MOB1B: variants seen among roughly 807,000 people sequenced by gnomAD.
MOB1B encodes MOB kinase activator 1B, also known as MOB1 Mps One Binder homolog B.
Under a neutral mutation model 24.4 loss-of-function variants are expected in MOB1B, and 19 were observed. That is an observed-to-expected ratio of 0.78 (90% CI 0.54 to 1.14). The LOEUF (loss-of-function observed/expected upper bound fraction) is 1.14. Ranked by LOEUF, MOB1B falls within the 50% of genes most tolerant of loss-of-function variation. The probability of loss-of-function intolerance (pLI) is 0.00; values close to 1 mark genes in which losing one functional copy is unlikely to be tolerated. For synonymous variants in MOB1B, 76 were observed against 82.1 expected, an observed-to-expected ratio of 0.93 and a Z score of 0.40; for missense variants, 243 against 259.6, an observed-to-expected ratio of 0.94 and a Z score of 0.44.
Position 70,950,675 on chromosome 4 carries a change from A to G in MOB1B, c.15-8199A>G, listed in dbSNP as rs970818099. 10 of 1,237,358 alleles carry G rather than the reference A, an allele frequency of 8.1e-6. No individual in the cohort carries two copies. In the East Asian group the frequency reaches 1.3e-4, roughly 16 times the overall value. The allele number at this position is 1,237,358 out of a possible 1,614,324, so 76.6% of individuals were successfully genotyped here. A position where few individuals can be genotyped will look rare whatever the true frequency, so the allele number is the denominator to read the frequency against. On this transcript the variant is annotated intron_variant, in intron 1 of 5. Transcript: ENST00000309395. ...CTTGCGGTAAATGTTAGTTAATATT[A>G]ATCATCATTATTATCCTGATGTAGG...
At chr4:70,909,433 A>G (rs991389881) in intron 1 of MOB1B, among the ~76,000 whole-genome samples, 2 of 152,088 alleles carry the variant, frequency 1.3e-5, no homozygotes, top group Admixed American at 6.6e-5. Context: ...GCTTGAGCCA[A>G]TTTGAGTTAT....
chr4:70,910,627 TATA>T (rs1477407226), intron 1 of MOB1B, among the ~76,000 whole-genome samples: 1 of 151,994 alleles, frequency 6.6e-6, no homozygotes, highest in Non-Finnish European at 1.5e-5. Flanking sequence ...TTTAAATTCA[TATA>T]ATATTTAAAT....
intron 1 of MOB1B, among the ~76,000 whole-genome samples, chr4:70,903,471 A>G (rs1415330047): frequency 6.6e-6 from 1 of 152,170 alleles, no homozygotes; most frequent in East Asian, 1.9e-4. Context: ...GTCCTCTGAA[A>G]ACAGGGGTTA....
At chr4:70,915,530 G>A (rs755004065) in intron 1 of MOB1B, among the ~76,000 whole-genome samples, 68 of 152,236 alleles carry the variant, frequency 4.5e-4, no homozygotes, top group Non-Finnish European at 8.7e-4. Context: ...GTTACTTCAG[G>A]TACGCCCTAT....
rs369108762 is a variant in MOB1B at position 70,970,071 on chromosome 4, G to A, written c.275+47G>A. 30 of 1,159,548 alleles carry A rather than the reference G, an allele frequency of 2.6e-5. No individual in the cohort carries two copies. The African/African-American group carries it at 3.7e-4, about 14-fold the overall frequency. 71.8% of individuals were successfully genotyped at this position (1,159,548 alleles called of 1,614,324 possible). On this transcript the variant is annotated intron_variant, in intron 3 of 5. Transcript: ENST00000309395. The stretch of plus-strand genomic sequence containing the variant: ...GTTTCTTATTTTTACATTATTTTAC[G>A]GTTCTTAAAGAAAAACGAAGTTTCT...
chr4:70,904,403 C>T (rs2148863560), intron 1 of MOB1B, among the ~76,000 whole-genome samples: 1 of 152,162 alleles, frequency 6.6e-6, no homozygotes, highest in African/African-American at 2.4e-5. Flanking sequence ...AAGCTGTATT[C>T]AAAATAGCAC....
At chr4:70,965,556 C>T (rs951913409) in intron 2 of MOB1B, among the ~76,000 whole-genome samples, 3 of 150,796 alleles carry the variant, frequency 2.0e-5, no homozygotes, top group Admixed American at 6.6e-5. Context: ...CCAGCACTTT[C>T]GGAGGCTGAG....
At chr4:70,922,874 A>C (rs1273845357) in intron 1 of MOB1B, among the ~76,000 whole-genome samples, 1 of 152,132 alleles carries the variant, frequency 6.6e-6, no homozygotes, top group African/African-American at 2.4e-5. Flanking sequence ...CACACACACA[A>C]ACGAAGATCC....
chr4:70,950,704 T>A, intron 1 of MOB1B: 1 of 1,512,952 alleles, frequency 6.6e-7, no homozygotes, highest in East Asian at 2.5e-5. Flanking sequence ...ATGTAGGAGT[T>A]CTCAGCCTGA....
At chr4:70,902,792 C>CG (rs1405585448) in intron 1 of MOB1B, among the ~76,000 whole-genome samples, 1 of 152,202 alleles carries the variant, frequency 6.6e-6, no homozygotes, top group Non-Finnish European at 1.5e-5. Flanking sequence ...TCTTCCCCCC[C>CG]GGCACACCCC....
At chr4:70,963,978 C>T (rs1472220502) in intron 2 of MOB1B, among the ~76,000 whole-genome samples, 3 of 152,054 alleles carry the variant, frequency 2.0e-5, no homozygotes, top group African/African-American at 7.2e-5. Context: ...CAAAGAATCC[C>T]GATAGTCGTG....
chr4:70,917,296 A>G (rs187248213), intron 1 of MOB1B, among the ~76,000 whole-genome samples: 2 of 152,326 alleles, frequency 1.3e-5, no homozygotes, highest in East Asian at 1.9e-4. Flanking sequence ...AACTCCTTCA[A>G]AAATAAAAGT....
chr4:70,902,240 A>G, upstream of MOB1B: 1 of 549,112 alleles, frequency 1.8e-6, no homozygotes. Context: ...CTATCGCGAG[A>G]GCTCGTGAGG....
At chr4:70,906,447 AAATC>A in intron 1 of MOB1B, among the ~76,000 whole-genome samples, 1 of 152,286 alleles carries the variant, frequency 6.6e-6, no homozygotes, top group Middle Eastern at 3.4e-3. Context: ...AGAGAGAAAA[AAATC>A]CCTGCATTGG....
rs199526060 is a variant in MOB1B, at chr4:70,979,138, C to T, written c.420C>T (p.Phe140=). 5 of 1,613,240 alleles carry T rather than the reference C, an allele frequency of 3.1e-6. No individual in the cohort carries two copies. The South Asian group carries it at 5.5e-5, about 18-fold the overall frequency. The change falls in exon 5 of 6, where the codon TTC becomes TTT. Residue 140 remains phenylalanine (F), a synonymous_variant. Coordinates refer to ENST00000309395, the MANE Select transcript of MOB1B (RefSeq NM_173468.4). ...TTATCTCTTTTCTAGGTGTCCCGTT[C>T]CCAAAGAATTTCATGTCTGTGGCAA... ...TLFPSKIGVP[F]PKNFMSVAKT...
At chr4:70,907,706 A>G (rs911008693) in intron 1 of MOB1B, among the ~76,000 whole-genome samples, 10 of 152,112 alleles carry the variant, frequency 6.6e-5, no homozygotes, top group African/African-American at 2.4e-4. Flanking sequence ...TCAGCTGCTT[A>G]GGAGGCTGAA....
chr4:70,944,650 T>A (rs1737498116), intron 1 of MOB1B, among the ~76,000 whole-genome samples: 1 of 152,158 alleles, frequency 6.6e-6, no homozygotes, highest in African/African-American at 2.4e-5. Flanking sequence ...CATCGTGGCA[T>A]CAGCTTCTGG....
intron 1 of MOB1B, among the ~76,000 whole-genome samples, chr4:70,914,703 T>C (rs1318923164): frequency 1.3e-5 from 2 of 152,248 alleles, no homozygotes; most frequent in Non-Finnish European, 2.9e-5. Context: ...TTCCTATGTT[T>C]TTCTTTGTTG....
chr4:70,921,950 C>G (rs766400838), intron 1 of MOB1B, among the ~76,000 whole-genome samples: 3 of 152,172 alleles, frequency 2.0e-5, no homozygotes, highest in Non-Finnish European at 4.4e-5. Flanking sequence ...ACATCTTTCT[C>G]CCCTACTTAA....
Sources: gnomAD v4.1 joint callset for allele counts (sites outside exome capture counted in the v4.1 genomes callset) on GRCh38, gnomAD v4.1.1 for gene constraint, MANE v1.5 for transcripts, NCBI Gene and HGNC (gene_info 2026-07-23, HGNC 2026-07-21) for gene names.